ARHGAP18: variants seen among roughly 807,000 people sequenced by gnomAD.
The protein encoded by ARHGAP18 is rho GTPase-activating protein 18.
A neutral mutation model predicts 86.2 loss-of-function variants in ARHGAP18; 67 were observed. The ratio of observed to expected loss-of-function variants is 0.78; its 90% confidence interval spans 0.64 to 0.95. The LOEUF (loss-of-function observed/expected upper bound fraction) is 0.95, where lower values mean the gene tolerates loss of function less well. Ranked by LOEUF, ARHGAP18 falls within the 40% of genes least tolerant of loss-of-function variation. ARHGAP18 has a pLI of 0.00. For synonymous variants in ARHGAP18, 283 were observed against 280.4 expected (o/e 1.01, Z -0.09); for missense variants, 691 against 780.4 (o/e 0.89, Z 1.37).
In ARHGAP18 at chr6:129,608,061, CACGA is replaced by C. The variant is rs1562687777; in HGVS notation, c.1123-13_1123-10del. 15 of 704,426 alleles carry C rather than the reference CACGA, an allele frequency of 2.1e-5. No homozygotes were observed. In the South Asian group the frequency reaches 2.8e-4, roughly 13 times the overall value. 43.6% of individuals were successfully genotyped at this position (704,426 alleles called of 1,614,324 possible). A position where few individuals can be genotyped will look rare whatever the true frequency, so the allele number is the denominator to read the frequency against. Reference sequence around the variant, plus strand: ...AGTTCTTGGCAAAGATTCTGATAGGCACGAAAAAAAAAAAAAAAAAAAAAAGAAG... The same window carrying C: ...AGTTCTTGGCAAAGATTCTGATAGGCAAAAAAAAAAAAAAAAAAAAAGAAG... On this transcript the variant is annotated splice_polypyrimidine_tract_variant and intron_variant, in intron 8 of 14. Transcript: ENST00000368149.
chr6:129,607,752 T>C (rs1016303325), intron 9 of ARHGAP18, 141 bp downstream of exon 9: 8 of 798,440 alleles, frequency 1.0e-5, no homozygotes, highest in Non-Finnish European at 1.5e-5. Context: ...GCATGGCAGC[T>C]GAGCACCCAC....
At chr6:129,684,370 G>T (rs1441615737) in intron 1 of ARHGAP18, among the ~76,000 whole-genome samples, 3 of 152,200 alleles carry the variant, frequency 2.0e-5, no homozygotes, top group Non-Finnish European at 4.4e-5. Context: ...CTAGGAATGT[G>T]CATGGGAAAA....
Position 129,577,447 on chromosome 6 carries a change from T to C in ARHGAP18, c.*1066A>G, listed in dbSNP as rs1265810550. ...CAGAGGCTCATCTCTTGTCACAATA[T>C]GGTTTGTGCATTAAAATCCCTGGGA... On this transcript the variant is annotated 3_prime_UTR_variant, in exon 15 of 15. Transcript: ENST00000368149. The C allele has an allele frequency of 6.6e-6, 1 of 152,192 alleles. No individual in the cohort carries two copies. Among genetic ancestry groups the C allele is most frequent in the Non-Finnish European group, 1.5e-5 (1 of 68,010 alleles). The allele number at this position is 152,192 out of a possible 1,614,324, so 9.4% of individuals were successfully genotyped here. A position where few individuals can be genotyped will look rare whatever the true frequency, so the allele number is the denominator to read the frequency against.
chr6:129,589,583 AC>A (rs1487969255), intron 12 of ARHGAP18, among the ~76,000 whole-genome samples: 3 of 152,082 alleles, frequency 2.0e-5, no homozygotes, highest in Non-Finnish European at 2.9e-5. Context: ...AAACTCTTTC[AC>A]ATTTTCTTAT....
intron 8 of ARHGAP18, 55 bp downstream of exon 8, chr6:129,611,478 T>G: frequency 6.7e-7 from 1 of 1,491,762 alleles, no homozygotes; most frequent in Non-Finnish European, 9.3e-7. Flanking sequence ...GCTTTTAAAA[T>G]GCATAAGTGT....
In ARHGAP18 at chr6:129,686,153, G is replaced by A. The variant is rs1288900825; in HGVS notation, c.113+23871C>T. On this transcript the variant is annotated intron_variant, in intron 1 of 14. Coordinates refer to ENST00000368149, the MANE Select transcript of ARHGAP18 (RefSeq NM_033515.3). ...GGAACCCAACTCTTACTATTTCCTC[G>A]GATCCCCTCTCTGGATAAAGGTTCT... is the stretch of plus-strand genomic sequence containing the variant. Among the ~76,000 whole-genome samples, 7 of 152,074 alleles carry A rather than the reference G, an allele frequency of 4.6e-5. No individual in the cohort carries two copies. The East Asian group carries it at 5.8e-4, about 13-fold the overall frequency.
intron 7 of ARHGAP18, among the ~76,000 whole-genome samples, chr6:129,614,362 G>A (rs1335246645): frequency 6.6e-6 from 1 of 152,044 alleles, no homozygotes; most frequent in East Asian, 1.9e-4. Flanking sequence ...TAATTCACAA[G>A]GGATGCAAAC....
chr6:129,653,839 G>A (rs760977579), intron 1 of ARHGAP18, among the ~76,000 whole-genome samples: 2 of 151,112 alleles, frequency 1.3e-5, no homozygotes, highest in South Asian at 2.1e-4. Flanking sequence ...AAAAAAATCC[G>A]ACTCACCAGC....
Position 129,605,965 on chromosome 6 carries a change from G to A in ARHGAP18, c.1283-6C>T. The A allele has an allele frequency of 6.2e-7, 1 of 1,612,174 alleles. No homozygotes were observed. The stretch of plus-strand genomic sequence containing the variant: ...CTGCTTCTTGGTTGGAAGATCTGCA[G>A]ACAAATTAAATAAATCTGAACTCTT... On this transcript the variant is annotated splice_polypyrimidine_tract_variant and splice_region_variant and intron_variant, in intron 9 of 14. Coordinates refer to ENST00000368149, the MANE Select transcript of ARHGAP18 (RefSeq NM_033515.3).
intron 1 of ARHGAP18, among the ~76,000 whole-genome samples, chr6:129,691,662 C>G (rs1031904142): frequency 1.3e-5 from 2 of 152,186 alleles, no homozygotes; most frequent in East Asian, 3.9e-4. Flanking sequence ...GGCCACCTAA[C>G]CAGGAAGCAT....
intron 1 of ARHGAP18, among the ~76,000 whole-genome samples, chr6:129,703,930 T>C (rs1774760076): frequency 6.6e-6 from 1 of 152,048 alleles, no homozygotes; most frequent in African/African-American, 2.4e-5. Context: ...TATTACACAA[T>C]TGCATTATAA....
At chr6:129,649,338 G>A (rs992777916) in intron 1 of ARHGAP18, among the ~76,000 whole-genome samples, 3 of 152,038 alleles carry the variant, frequency 2.0e-5, no homozygotes, top group Non-Finnish European at 4.4e-5. Flanking sequence ...GGCAAATCAC[G>A]AGGTCAGGAG....
chr6:129,673,706 C>T (rs1485831654), intron 1 of ARHGAP18, among the ~76,000 whole-genome samples: 1 of 152,158 alleles, frequency 6.6e-6, no homozygotes, highest in Non-Finnish European at 1.5e-5. Flanking sequence ...CATCAGTTAA[C>T]TCTTTTTAAT....
chr6:129,595,558 C>T (rs1788601416), intron 12 of ARHGAP18, among the ~76,000 whole-genome samples: 1 of 152,154 alleles, frequency 6.6e-6, no homozygotes, highest in Non-Finnish European at 1.5e-5. Flanking sequence ...CTCCCATCAA[C>T]AAGGAAATTA....
Position 129,605,824 on chromosome 6 carries a change from A to G in ARHGAP18, c.1365+53T>C, listed in dbSNP as rs539451121. 2.9e-5 allele frequency: 43 copies of G among 1,497,204 alleles called. No individual in the cohort carries two copies. The South Asian group carries it at 4.7e-4, about 16-fold the overall frequency. The allele number at this position is 1,497,204 out of a possible 1,614,324, so 92.7% of individuals were successfully genotyped here. A position where few individuals can be genotyped will look rare whatever the true frequency, so the allele number is the denominator to read the frequency against. The stretch of plus-strand genomic sequence containing the variant: ...TTATTGTTTTGCCACAAATAATGAA[A>G]AATTACTGTGCTTACTTCTAAGGGA... On this transcript the variant is annotated intron_variant, in intron 10 of 14. Transcript: ENST00000368149.
intron 1 of ARHGAP18, among the ~76,000 whole-genome samples, chr6:129,703,620 G>A (rs1226688134): frequency 6.6e-6 from 1 of 152,204 alleles, no homozygotes; most frequent in Non-Finnish European, 1.5e-5. Flanking sequence ...CACAGGTCTC[G>A]TCAATGAGAG....
chr6:129,649,306 A>G (rs1773651714), intron 1 of ARHGAP18, among the ~76,000 whole-genome samples: 1 of 152,220 alleles, frequency 6.6e-6, no homozygotes, highest in African/African-American at 2.4e-5. Context: ...CTGTAATCCC[A>G]GCACTTCGGG....
intron 2 of ARHGAP18, among the ~76,000 whole-genome samples, chr6:129,641,297 A>C (rs1406580061): frequency 1.3e-5 from 2 of 152,230 alleles, no homozygotes; most frequent in Admixed American, 1.3e-4. Context: ...AAAGGCTATC[A>C]TGTAAAAATA....
At chr6:129,652,520 A>G (rs530488132) in intron 1 of ARHGAP18, among the ~76,000 whole-genome samples, 187 of 152,288 alleles carry the variant, frequency 1.2e-3, no homozygotes, top group Non-Finnish European at 2.1e-3. Flanking sequence ...CTCCCCTCAT[A>G]TTCTTGAACT....
Sources: allele counts gnomAD v4.1 joint callset (sites outside exome capture counted in the v4.1 genomes callset), GRCh38; gene constraint gnomAD v4.1.1; transcripts MANE v1.5; gene names NCBI Gene and HGNC (gene_info 2026-07-23, HGNC 2026-07-21).